Variants in NCOR2 observed in about 807,000 individuals in gnomAD.
NCOR2 encodes CTG repeat protein 26.
NCOR2 carries 81 observed loss-of-function variants against 262.9 expected under a neutral mutation model. The observed-to-expected ratio is 0.31, with a 90% CI of 0.26 to 0.37. The LOEUF (loss-of-function observed/expected upper bound fraction) is 0.37, where lower values mean the gene tolerates loss of function less well. NCOR2 is among the 10% of genes least tolerant of loss of function. The probability of loss-of-function intolerance (pLI) is 1.00; values close to 1 mark genes in which losing one functional copy is unlikely to be tolerated. For synonymous variants in NCOR2, 1,659 were observed against 1,559.3 expected (o/e 1.06, Z -1.51); for missense variants, 3,385 against 3,621.4 (o/e 0.93, Z 1.68).
upstream of NCOR2, among the ~76,000 whole-genome samples, chr12:124,498,208 G>A (rs2048479381): frequency 6.6e-6 from 1 of 152,190 alleles, no homozygotes; most frequent in Non-Finnish European, 1.5e-5. Flanking sequence ...TTTACCCACA[G>A]CTTTTCTTTC....
At chr12:124,332,751 A>C (rs548145710) in intron 42 of NCOR2, among the ~76,000 whole-genome samples, 7 of 152,198 alleles carry the variant, frequency 4.6e-5, no homozygotes, top group Non-Finnish European at 8.8e-5. Flanking sequence ...CAAGGACTGA[A>C]ATTGGGTTCC....
chr12:124,400,318 C>G lies in NCOR2; in HGVS notation c.1813+183G>C, dbSNP rs866634568. On this transcript the variant is annotated intron_variant, in intron 15 of 46. Transcript: ENST00000405201. ...GAGGACCCTGAGGCACAGAGAGGTT[C>G]AGGAATTCATGCTGGGCCACACAGC... is the stretch of plus-strand genomic sequence containing the variant. Among the ~76,000 whole-genome samples, 15 of 152,272 alleles carry G rather than the reference C, an allele frequency of 9.9e-5. No individual in the cohort carries two copies. The South Asian group carries it at 1.2e-3, about 13-fold the overall frequency.
exon 33 of NCOR2, chr12:124,343,195 G>T (rs2036597901): frequency 6.2e-7 from 1 of 1,608,878 alleles, no homozygotes; most frequent in Non-Finnish European, 8.5e-7. Context: ...TCAGCTTTCG[G>T]TCCTGGGATG....
At chr12:124,442,348 C>T (rs1210597724) in intron 7 of NCOR2, among the ~76,000 whole-genome samples, 2 of 152,132 alleles carry the variant, frequency 1.3e-5, no homozygotes, top group Non-Finnish European at 2.9e-5. Context: ...GCTTTGTTGC[C>T]CAGCTCGTCT....
At chr12:124,330,720 T>A in intron 44 of NCOR2, 125 bp downstream of exon 46, 1 of 1,078,142 alleles carries the variant, frequency 9.3e-7, no homozygotes, top group South Asian at 1.5e-5. Context: ...GGTTAGTTCA[T>A]CCCAGAATGA....
Position 124,378,234 on chromosome 12 carries a change from C to T in NCOR2, c.2167+3G>A. 3 of 1,613,370 alleles carry T rather than the reference C, an allele frequency of 1.9e-6. No individual in the cohort carries two copies. Among genetic ancestry groups the T allele is most frequent in the South Asian group, 1.1e-5 (1 of 91,016 alleles). On this transcript the variant is annotated splice_donor_region_variant and intron_variant, in intron 18 of 46. Transcript: ENST00000405201. This position sits in a 1 kb window ranked among gnomAD's most constrained non-coding sequence, Gnocchi z 4.2. ...GCCACCTCCAAGCCGCGCCAGCCCT[C>T]ACCTTCAGCCTCCTCCACCATCTCC...
rs991710772 is a variant in NCOR2 at position 124,362,132 on chromosome 12, T to C, written c.3094A>G (p.Lys1032Glu). 1.1e-5 allele frequency: 14 copies of C among 1,300,524 alleles called. No homozygotes were observed. The highest frequency in any genetic ancestry group is 1.5e-5 in the African/African-American group (1 of 66,466). The allele number at this position is 1,300,524 out of a possible 1,614,324, so 80.6% of individuals were successfully genotyped here. ...GCCACTGGTGTGCACTCACCCTCCT[T>C]GTCGGCGGGGGGTGCCGGGCTCCTG... Residue 1032 changes from lysine to glutamate, a missense_variant, in exon 22 of 47, where the codon AAG becomes GAG. Physicochemically the swap from Lys to Glu is moderately conservative, Grantham distance 56. This residue lies in a region of NCOR2 where 1,615 missense variants were observed against 1,626.9 expected (regional missense o/e 0.99). Coordinates refer to ENST00000405201, the Ensembl canonical transcript of NCOR2.
chr12:124,429,412 A>G, intron 10 of NCOR2: 1 of 600,502 alleles, frequency 1.7e-6, no homozygotes, highest in Non-Finnish European at 3.0e-6. Context: ...TCCCTCTCAG[A>G]CACATTAACA....
rs762430257 is a variant in NCOR2 at position 124,495,148 on chromosome 12, G to A, written c.104C>T (p.Thr35Met). The A allele has an allele frequency of 1.3e-4, 205 of 1,613,646 alleles. No individual in the cohort carries two copies. The highest frequency in any genetic ancestry group is 1.5e-4 in the South Asian group (14 of 91,068). ...GCGCACACATGTGCACCCCCTTACC[G>A]TGTGCGTCCGGGCGATCTGCACTGG... Residue 35 changes from threonine to methionine, a missense_variant and splice_region_variant, in exon 1 of 47, where the codon ACG becomes ATG. Around this residue, in one of 5 missense-constraint regions of NCOR2, gnomAD observed 237 missense variants for 229.4 expected, o/e 1.03. Coordinates refer to ENST00000405201, the Ensembl canonical transcript of NCOR2. The surrounding 1 kb of genome is among the most constrained non-coding windows in gnomAD (Gnocchi z 4.4).
intron 19 of NCOR2, among the ~76,000 whole-genome samples, chr12:124,373,834 G>A (rs112781695): frequency 0.54 from 3,678 of 6,774 alleles, 1,542 homozygotes; most frequent in Middle Eastern, 0.83. Flanking sequence ...CCCTGGGCAC[G>A]GTGGACAATC....
chr12:124,363,695 G>A, exon 21 of NCOR2: 1 of 1,397,556 alleles, frequency 7.2e-7, no homozygotes, highest in Non-Finnish European at 9.4e-7. Context: ...GGGGATGGCA[G>A]CCGCTCGCTG....
exon 41 of NCOR2, chr12:124,334,612 G>A: frequency 7.2e-7 from 1 of 1,382,348 alleles, no homozygotes. Flanking sequence ...CCTGTGTGAT[G>A]ACCTCCTGCA....
intron 1 of NCOR2, among the ~76,000 whole-genome samples, chr12:124,533,707 C>T (rs2050971069): frequency 6.6e-6 from 1 of 152,166 alleles, no homozygotes; most frequent in African/African-American, 2.4e-5. Context: ...TAGTCATGTA[C>T]TGCTTAACCA....
chr12:124,444,651 G>A (rs903344752), intron 7 of NCOR2, among the ~76,000 whole-genome samples: 1 of 152,126 alleles, frequency 6.6e-6, no homozygotes, highest in African/African-American at 2.4e-5. Flanking sequence ...CAGAAGGGGT[G>A]CTCAGGGAGA....
chr12:124,387,877 C>T (rs1461664385), intron 16 of NCOR2, among the ~76,000 whole-genome samples: 1 of 151,958 alleles, frequency 6.6e-6, no homozygotes, highest in African/African-American at 2.4e-5. Context: ...GGGGGCGGGT[C>T]TCCCATCTGG....
At chr12:124,466,975 C>T (rs1241315705) in intron 4 of NCOR2, among the ~76,000 whole-genome samples, 2 of 148,570 alleles carry the variant, frequency 1.3e-5, no homozygotes, top group African/African-American at 5.0e-5. Context: ...CTCATCACCC[C>T]CATCATCCTC....
chr12:124,416,609 C>T (rs1335776747), intron 13 of NCOR2, among the ~76,000 whole-genome samples: 9 of 146,418 alleles, frequency 6.1e-5, no homozygotes, highest in Admixed American at 6.1e-4. Flanking sequence ...AGATAGACCC[C>T]GCGGCACAGG....
chr12:124,368,210 C>A (rs2039194583), intron 20 of NCOR2, among the ~76,000 whole-genome samples: 1 of 152,242 alleles, frequency 6.6e-6, no homozygotes, highest in Non-Finnish European at 1.5e-5. Context: ...GCACGTGGGG[C>A]CGAGTGGGTC....
chr12:124,383,054 A>C (rs1025400637), intron 17 of NCOR2, among the ~76,000 whole-genome samples: 1 of 152,106 alleles, frequency 6.6e-6, no homozygotes, highest in Non-Finnish European at 1.5e-5. Context: ...GAATGAATGA[A>C]TCAATCAATC....
Sources: gnomAD v4.1 joint callset for allele counts (sites outside exome capture counted in the v4.1 genomes callset) on GRCh38, gnomAD v4.1.1 for gene constraint, gnomAD v4.1.1 regional missense constraint, Gnocchi (gnomAD v3.1) non-coding constraint, MANE v1.5 for transcripts, NCBI Gene and HGNC (gene_info 2026-07-23, HGNC 2026-07-21) for gene names.